Variants in CTNNA2 observed in about 807,000 individuals in gnomAD.
CTNNA2 encodes the protein catenin alpha-2.
CTNNA2 carries 42 observed loss-of-function variants against 101.0 expected under a neutral mutation model. The observed-to-expected ratio is 0.42, with a 90% CI of 0.32 to 0.54. The LOEUF (loss-of-function observed/expected upper bound fraction) is 0.54, where lower values mean the gene tolerates loss of function less well. Ranked by LOEUF, CTNNA2 falls within the 20% of genes least tolerant of loss-of-function variation. CTNNA2 has a pLI of 0.14. For missense variants in CTNNA2, 871 were observed against 1,223.1 expected (o/e 0.71, Z 4.29); for synonymous variants, 450 against 456.4 (o/e 0.99, Z 0.18).
At chr2:80,201,839 C>A (rs1047180419) in intron 7 of CTNNA2, among the ~76,000 whole-genome samples, 2 of 152,010 alleles carry the variant, frequency 1.3e-5, no homozygotes, top group Non-Finnish European at 2.9e-5. Flanking sequence ...TTCTAATTGC[C>A]CAATTTTCTT....
chr2:79,251,343 C>A (rs1386510194), intron 2 of CTNNA2, among the ~76,000 whole-genome samples: 1 of 152,164 alleles, frequency 6.6e-6, no homozygotes, highest in African/African-American at 2.4e-5. Context: ...GCACCATGAA[C>A]CAGGAACAGC....
intron 1 of CTNNA2, among the ~76,000 whole-genome samples, chr2:79,533,172 A>G (rs1672847729): frequency 6.6e-6 from 1 of 151,702 alleles, no homozygotes; most frequent in Non-Finnish European, 1.5e-5. Flanking sequence ...ATATCCCTTT[A>G]TCTGTTCCCC....
At chr2:80,321,071 G>A (rs1287172041) in intron 7 of CTNNA2, among the ~76,000 whole-genome samples, 1 of 152,132 alleles carries the variant, frequency 6.6e-6, no homozygotes, top group African/African-American at 2.4e-5. Context: ...ATGCTAGATG[G>A]CACAGATATT....
chr2:79,870,478 G>A (rs1682502622), intron 5 of CTNNA2, among the ~76,000 whole-genome samples: 1 of 151,452 alleles, frequency 6.6e-6, no homozygotes, highest in Non-Finnish European at 1.5e-5. Context: ...GGGGAGTGGG[G>A]AAGGGGAGGA....
At chr2:79,223,114 C>G (rs1214196562) in intron 2 of CTNNA2, among the ~76,000 whole-genome samples, 1 of 152,076 alleles carries the variant, frequency 6.6e-6, no homozygotes, top group Non-Finnish European at 1.5e-5. Context: ...GAGCTATGTT[C>G]GTGCCACTGC....
At chr2:80,146,237 C>T (rs1018773246) in intron 7 of CTNNA2, among the ~76,000 whole-genome samples, 6 of 152,304 alleles carry the variant, frequency 3.9e-5, no homozygotes, top group African/African-American at 2.4e-5. Context: ...GCCAATAACA[C>T]GTGGAGCATA....
At chr2:79,230,561 C>A (rs1674476695) in intron 2 of CTNNA2, among the ~76,000 whole-genome samples, 1 of 152,214 alleles carries the variant, frequency 6.6e-6, no homozygotes, top group Admixed American at 6.5e-5. Flanking sequence ...TCTGCTATGG[C>A]AGTGCGGAAG....
chr2:80,047,356 A>ATAGAATATTTCC (rs368306752), intron 7 of CTNNA2, among the ~76,000 whole-genome samples: 19 of 152,350 alleles, frequency 1.2e-4, no homozygotes, highest in African/African-American at 4.1e-4. Context: ...ACAGAGCAGA[A>ATAGAATATTTCC]TAGAATATTT....
At chr2:79,697,764 A>C (rs1323723625) in intron 2 of CTNNA2, 1 of 152,014 alleles carries the variant, frequency 6.6e-6, no homozygotes, top group Non-Finnish European at 1.5e-5. Context: ...AGTATTTTGC[A>C]TTGTTATACA....
In CTNNA2 at chr2:79,729,039, C is replaced by T. The variant is rs532639743; in HGVS notation, c.103-15348C>T. Among the ~76,000 whole-genome samples, 43 of 152,122 alleles carry T rather than the reference C, an allele frequency of 2.8e-4. 1 individual carries two copies. The highest frequency in any genetic ancestry group is 2.6e-3 in the Admixed American group (40 of 15,268). ...GCTATATAAAACTTACCATCATGAACCAGGAGTCAAGAATTTTATTTTATT... is the reference window on the plus strand; with the variant it reads ...GCTATATAAAACTTACCATCATGAATCAGGAGTCAAGAATTTTATTTTATT... On this transcript the variant is annotated intron_variant, in intron 2 of 18. Transcript: ENST00000402739.
At chr2:79,870,209 A>G (rs3755094) in intron 5 of CTNNA2, among the ~76,000 whole-genome samples, 2,770 of 152,218 alleles carry the variant, frequency 0.018, 79 homozygotes, top group African/African-American at 0.044. Context: ...TCTTCTATCC[A>G]CTGTAGGAAC....
At chr2:79,490,292 C>T (rs1671196196) in intron 4 of CTNNA2, among the ~76,000 whole-genome samples, 1 of 152,134 alleles carries the variant, frequency 6.6e-6, no homozygotes, top group South Asian at 2.1e-4. Context: ...ACCGGTCTGT[C>T]TTTGCTGTGG....
intron 3 of CTNNA2, among the ~76,000 whole-genome samples, chr2:79,799,308 A>C (rs1226958193): frequency 6.6e-6 from 1 of 151,844 alleles, no homozygotes; most frequent in Non-Finnish European, 1.5e-5. Context: ...TTTTTTTTTA[A>C]CAGGGATTCC....
intron 7 of CTNNA2, among the ~76,000 whole-genome samples, chr2:80,259,785 T>C (rs182660549): frequency 3.9e-5 from 6 of 152,348 alleles, no homozygotes; most frequent in African/African-American, 7.2e-5. Context: ...TTCTCATTCT[T>C]CAACTAAGTT....
chr2:79,938,104 A>G (rs1393013576), intron 7 of CTNNA2, among the ~76,000 whole-genome samples: 1 of 152,200 alleles, frequency 6.6e-6, no homozygotes, highest in East Asian at 1.9e-4. Context: ...GTTTTCCCTC[A>G]AAAATGGCAG....
chr2:80,437,877 A>C (rs1361790909), intron 9 of CTNNA2, among the ~76,000 whole-genome samples: 1 of 152,190 alleles, frequency 6.6e-6, no homozygotes, highest in Non-Finnish European at 1.5e-5. Context: ...TGGGTGCCTT[A>C]ATCCCAGCTA....
chr2:80,523,933 C>T (rs957873502), intron 9 of CTNNA2, among the ~76,000 whole-genome samples: 8 of 152,138 alleles, frequency 5.3e-5, no homozygotes, highest in African/African-American at 1.9e-4. Context: ...TGATGTGAGG[C>T]ATGACTTTGA....
At chr2:79,247,985 G>GA (rs1674720222) in intron 2 of CTNNA2, among the ~76,000 whole-genome samples, 2 of 152,166 alleles carry the variant, frequency 1.3e-5, no homozygotes, top group African/African-American at 4.8e-5. Flanking sequence ...CCAGAACTAT[G>GA]AAAAAATATA....
intron 6 of CTNNA2, among the ~76,000 whole-genome samples, chr2:79,877,432 T>C (rs1683111145): frequency 6.6e-6 from 1 of 152,218 alleles, no homozygotes; most frequent in African/African-American, 2.4e-5. Flanking sequence ...ACCTAGACAG[T>C]AGTTAATGAT....
Sources: allele counts gnomAD v4.1 joint callset (sites outside exome capture counted in the v4.1 genomes callset), GRCh38; gene constraint gnomAD v4.1.1; transcripts MANE v1.5; gene names NCBI Gene and HGNC (gene_info 2026-07-23, HGNC 2026-07-21).